The following ZNF473 variants were observed in gnomAD, a reference collection of about 807,000 sequenced individuals.
ZNF473 encodes zinc finger protein 100 homolog.
ZNF473 carries 4 observed loss-of-function variants against 11.1 expected under a neutral mutation model. That is an observed-to-expected ratio of 0.36 (90% CI 0.18 to 0.82). The LOEUF (loss-of-function observed/expected upper bound fraction) is 0.82, where lower values mean the gene tolerates loss of function less well. Among genes scored for constraint, ZNF473 ranks in the 40% least tolerant of loss-of-function variants. ZNF473 has a pLI of 0.49. For synonymous variants in ZNF473, 404 were observed against 390.4 expected (o/e 1.03, Z -0.41); for missense variants, 854 against 1,084.0 (o/e 0.79, Z 2.98).
At chr19:50,030,596 T>C (rs1476247782) in intron 1 of ZNF473, among the ~76,000 whole-genome samples, 1 of 152,200 alleles carries the variant, frequency 6.6e-6, no homozygotes, top group African/African-American at 2.4e-5. Context: ...CATTGTTCCA[T>C]TGGTTCTTTA....
At chr19:50,036,772 G>A (rs1434822414) in intron 2 of ZNF473, among the ~76,000 whole-genome samples, 1 of 152,106 alleles carries the variant, frequency 6.6e-6, no homozygotes, top group Non-Finnish European at 1.5e-5. Context: ...CATGTTATGC[G>A]TTGTGCCATT....
chr19:50,041,356 G>A, intron 3 of ZNF473: 1 of 159,372 alleles, frequency 6.3e-6, no homozygotes, highest in Non-Finnish European at 1.4e-5. Flanking sequence ...TCTGTCCCTG[G>A]CCCATGGAGG....
At chr19:50,038,304 T>C (rs1198532093) in intron 2 of ZNF473, among the ~76,000 whole-genome samples, 2 of 151,788 alleles carry the variant, frequency 1.3e-5, no homozygotes, top group East Asian at 3.8e-4. Context: ...AAATGAAAGA[T>C]GGCATCACTA....
At chr19:50,029,373 C>T (rs879595301) in intron 1 of ZNF473, among the ~76,000 whole-genome samples, 6 of 152,228 alleles carry the variant, frequency 3.9e-5, no homozygotes, top group Non-Finnish European at 7.3e-5. Flanking sequence ...GTCTGGATCT[C>T]CTGACCTCGT....
rs374350403 is a variant in ZNF473, at chr19:50,045,067, A to G, written c.624A>G (p.Pro208=). 3.3e-5 allele frequency: 53 copies of G among 1,614,104 alleles called. No homozygotes were observed. Among genetic ancestry groups the G allele is most frequent in the Non-Finnish European group, 4.3e-5 (51 of 1,180,046 alleles). Residue 208 remains proline, a synonymous_variant, in exon 5 of 5, where the codon CCA becomes CCG. Coordinates refer to ENST00000270617, the MANE Select transcript of ZNF473 (RefSeq NM_015428.4). ...QQDSVQEGEK[P]YQCSECGKSF... ...ATTCTGTTCAGGAAGGGGAGAAACC[A>G]TATCAATGTAGTGAATGTGGGAAAA...
In ZNF473 at chr19:50,046,063, AAAAC is replaced by A; in HGVS notation, c.1623_1626del (p.Gln542AspfsTer4). ...GCCACGAGAGTGTTCACGCCAGAGA[AAAAC>A]AAGGATTTTTTGTGAGTGGGAAGAT... is the stretch of plus-strand genomic sequence containing the variant. On this transcript the variant is annotated frameshift_variant, in exon 5 of 5. Coordinates refer to ENST00000270617, the MANE Select transcript of ZNF473 (RefSeq NM_015428.4). LOFTEE classifies it low-confidence loss of function (END_TRUNC). The surrounding 1 kb of genome is among the most constrained non-coding windows in gnomAD (Gnocchi z 5.9). 6.2e-7 allele frequency: 1 copy of A among 1,614,230 alleles called. No individual in the cohort carries two copies. Among genetic ancestry groups the A allele is most frequent in the Non-Finnish European group, 8.5e-7 (1 of 1,180,036 alleles).
At chr19:50,043,712 G>C (rs1355635159) in intron 4 of ZNF473, among the ~76,000 whole-genome samples, 3 of 152,096 alleles carry the variant, frequency 2.0e-5, no homozygotes, top group East Asian at 1.9e-4. Context: ...TTCTGGTAAG[G>C]GTCAGGGGTC....
intron 4 of ZNF473, 73 bp from the exon 5 acceptor site, chr19:50,044,597 C>A: frequency 2.4e-6 from 3 of 1,270,350 alleles, no homozygotes; most frequent in Non-Finnish European, 3.3e-6. Context: ...GACTCAAGAT[C>A]TATCACCCCT....
chr19:50,046,275 G>T lies in ZNF473; in HGVS notation c.1832G>T (p.Arg611Ile). ...GQSTRLIHHQRIHSRVRLYKW... is the reference protein window; with the variant it reads ...GQSTRLIHHQIIHSRVRLYKW... ...AGTACTCGGCTCATTCACCATCAAA[G>T]AATCCACTCTAGAGTGAGGCTGTAT... The change falls in exon 5 of 5, where the codon AGA (arginine) becomes ATA (isoleucine). Residue 611 changes from arginine to isoleucine, a missense_variant. Transcript: ENST00000270617. The surrounding 1 kb of genome is among the most constrained non-coding windows in gnomAD (Gnocchi z 5.9). 6.2e-7 allele frequency: 1 copy of T among 1,614,206 alleles called. No homozygotes were observed. Among genetic ancestry groups the T allele is most frequent in the Non-Finnish European group, 8.5e-7 (1 of 1,180,040 alleles).
intron 2 of ZNF473, among the ~76,000 whole-genome samples, chr19:50,035,232 A>G (rs912250701): frequency 2.4e-4 from 37 of 152,200 alleles, no homozygotes; most frequent in African/African-American, 8.2e-4. Context: ...GGTTGAGGCT[A>G]CAGTGAGCTG....
In ZNF473 at chr19:50,046,396, C is replaced by T. The variant is rs760363371; in HGVS notation, c.1953C>T (p.Cys651=). Residue 651 remains cysteine, a synonymous_variant, in exon 5 of 5, where the codon TGC becomes TGT. Transcript: ENST00000270617. This position sits in a 1 kb window ranked among gnomAD's most constrained non-coding sequence, Gnocchi z 5.9. The stretch of plus-strand genomic sequence containing the variant: ...AGCACCCTTTTAAATGTAACGAATG[C>T]GGAAAGACCTTCAGCCACAGTGCAC... The part of the protein sequence containing the change: ...TKEHPFKCNE[C]GKTFSHSAHL... 2.6e-5 allele frequency: 42 copies of T among 1,614,060 alleles called. No homozygotes were observed. The highest frequency in any genetic ancestry group is 3.2e-5 in the Non-Finnish European group (38 of 1,180,044).
At chr19:50,031,554 G>A (rs975919649) in intron 2 of ZNF473, among the ~76,000 whole-genome samples, 2 of 151,962 alleles carry the variant, frequency 1.3e-5, no homozygotes. Context: ...TTTAAGACCC[G>A]GCTCAGTTCC....
chr19:50,039,154 G>C lies in ZNF473; in HGVS notation c.10-7G>C, dbSNP rs1568407768. The C allele has an allele frequency of 6.2e-7, 1 of 1,613,938 alleles. No individual in the cohort carries two copies. The highest frequency in any genetic ancestry group is 2.2e-5 in the East Asian group (1 of 44,862). On this transcript the variant is annotated splice_region_variant and splice_polypyrimidine_tract_variant and intron_variant, in intron 2 of 4. Transcript: ENST00000270617. The surrounding 1 kb of genome is among the most constrained non-coding windows in gnomAD (Gnocchi z 4.8). ...CTCTGAGTGACCAATAGTGTACTGT[G>C]TTTCAGGAATTTGTGACCCTCAAGG...
In ZNF473 at chr19:50,048,527, T is replaced by A. The variant is rs1394908735; in HGVS notation, c.*1468T>A. On this transcript the variant is annotated 3_prime_UTR_variant, in exon 5 of 5. Coordinates refer to ENST00000270617, the MANE Select transcript of ZNF473 (RefSeq NM_015428.4). Reference sequence around the variant, plus strand: ...CACTGTTTTTCAAATGGTTGCAACATTTAACTTCTCGCACATGGTTCCCGT... The same window carrying A: ...CACTGTTTTTCAAATGGTTGCAACAATTAACTTCTCGCACATGGTTCCCGT... 1.3e-5 allele frequency: 2 copies of A among 152,254 alleles called. No homozygotes were observed. Among genetic ancestry groups the A allele is most frequent in the African/African-American group, 4.8e-5 (2 of 41,466 alleles). The allele number at this position is 152,254 out of a possible 1,614,324, so 9.4% of individuals were successfully genotyped here.
intron 2 of ZNF473, among the ~76,000 whole-genome samples, chr19:50,032,330 T>TA (rs2077322688): frequency 6.6e-6 from 1 of 151,630 alleles, no homozygotes; most frequent in South Asian, 2.1e-4. Flanking sequence ...GAAATTGACT[T>TA]ACGCAGTCAG....
rs571949690 is a variant in ZNF473, at chr19:50,030,928, A to G, written c.-155A>G. On this transcript the variant is annotated 5_prime_UTR_variant, in exon 2 of 5. Transcript: ENST00000270617. ...TTGGGACTTGTCCTCCTCCTCCTGG[A>G]CATTTTGGGGGCTCGTCAGCATGGA... The G allele has an allele frequency of 1.9e-6, 2 of 1,065,920 alleles. No individual in the cohort carries two copies. The highest frequency in any genetic ancestry group is 2.0e-5 in the Admixed American group (1 of 49,010). 66.0% of individuals were successfully genotyped at this position (1,065,920 alleles called of 1,614,324 possible).
Position 50,047,165 on chromosome 19 carries a change from T to C in ZNF473, c.*106T>C, listed in dbSNP as rs757854434. The C allele has an allele frequency of 4.1e-6, 4 of 968,886 alleles. No individual in the cohort carries two copies. The Admixed American group carries it at 8.5e-5, about 21-fold the overall frequency. 60.0% of individuals were successfully genotyped at this position (968,886 alleles called of 1,614,324 possible). On this transcript the variant is annotated 3_prime_UTR_variant, in exon 5 of 5. Transcript: ENST00000270617. ...CTCTCCAAATAAATGCATCTAAAGA[T>C]TGATTAGAAAGTTTGTGCGCATGTT...
chr19:50,037,056 T>C (rs1568406709), intron 2 of ZNF473, among the ~76,000 whole-genome samples: 1 of 152,152 alleles, frequency 6.6e-6, no homozygotes, highest in Non-Finnish European at 1.5e-5. Flanking sequence ...ATTGAACCAT[T>C]GCCGGCATGC....
chr19:50,028,254 C>T lies in ZNF473; in HGVS notation c.-192+2132C>T, dbSNP rs147913852. Among the ~76,000 whole-genome samples, 1,664 of 150,088 alleles carry T rather than the reference C, an allele frequency of 0.011. 79 individuals are homozygous for T. The East Asian group carries it at 0.12, about 10-fold the overall frequency. ...CAGAGCTTGCAGCGAGCTGAGATCG[C>T]GCCACTGCACTCCAGCCTGGGCGAC... On this transcript the variant is annotated intron_variant, in intron 1 of 4. Transcript: ENST00000270617.
Sources: gnomAD v4.1 joint callset for allele counts (sites outside exome capture counted in the v4.1 genomes callset) on GRCh38, gnomAD v4.1.1 for gene constraint, Gnocchi (gnomAD v3.1) non-coding constraint, MANE v1.5 for transcripts, NCBI Gene and HGNC (gene_info 2026-07-23, HGNC 2026-07-21) for gene names.